Variants in RHBDD1 observed in about 807,000 individuals in gnomAD.
The protein encoded by RHBDD1 is rhomboid domain containing 1.
A neutral mutation model predicts 36.3 loss-of-function variants in RHBDD1; 38 were observed. The ratio of observed to expected loss-of-function variants is 1.05; its 90% CI spans 0.81 to 1.37. RHBDD1 has a LOEUF of 1.37. RHBDD1 is among the 40% of genes most tolerant of loss of function. The pLI is 0.00. For missense variants in RHBDD1, 393 were observed against 377.6 expected (o/e 1.04, Z -0.34); for synonymous variants, 151 against 136.5 (o/e 1.11, Z -0.74).
At chr2:226,885,560 A>G (rs1946134235) in intron 5 of RHBDD1, among the ~76,000 whole-genome samples, 1 of 152,220 alleles carries the variant, frequency 6.6e-6, no homozygotes, top group South Asian at 2.1e-4. Flanking sequence ...AATACAAAGT[A>G]TTACATATGA....
intron 1 of RHBDD1, 175 bp downstream of exon 1, chr2:226,836,262 C>T (rs1574710131): frequency 1.3e-5 from 2 of 152,470 alleles, no homozygotes; most frequent in South Asian, 2.1e-4. Context: ...ACAGCCTCCC[C>T]GTCCGGGGCA....
the RHBDD1 span, among the ~76,000 whole-genome samples, chr2:226,816,284 C>G: frequency 2.0e-5 from 3 of 150,950 alleles, no homozygotes; most frequent in Non-Finnish European, 4.4e-5. Context: ...GAATTCAAGA[C>G]CCATCACCGT....
intron 3 of RHBDD1, among the ~76,000 whole-genome samples, chr2:226,862,126 CT>C (rs555758889): frequency 1.3e-5 from 2 of 152,028 alleles, no homozygotes; most frequent in Non-Finnish European, 2.9e-5. Context: ...ACATTTGAGT[CT>C]TTTTAGGATG....
chr2:226,815,064 C>T, the RHBDD1 span, among the ~76,000 whole-genome samples: 3 of 152,188 alleles, frequency 2.0e-5, no homozygotes, highest in Non-Finnish European at 4.4e-5. Context: ...GGCCACTCAG[C>T]AAGAATTTTC....
chr2:226,832,297 T>C (rs1169185132), upstream of RHBDD1, among the ~76,000 whole-genome samples: 2 of 152,262 alleles, frequency 1.3e-5, no homozygotes, highest in Non-Finnish European at 2.9e-5. Flanking sequence ...TCCAAATTTC[T>C]TTCTATTGTC....
At chr2:226,816,464 A>C in the RHBDD1 span, among the ~76,000 whole-genome samples, 25 of 152,136 alleles carry the variant, frequency 1.6e-4, no homozygotes, top group African/African-American at 6.0e-4. Context: ...GAAGGTCACA[A>C]ATTTCTTCTG....
intron 5 of RHBDD1, among the ~76,000 whole-genome samples, chr2:226,900,178 C>T (rs938616418): frequency 3.9e-5 from 6 of 152,118 alleles, no homozygotes; most frequent in African/African-American, 7.2e-5. Context: ...TCTCATCAGG[C>T]GCTTAAAGGT....
intron 5 of RHBDD1, among the ~76,000 whole-genome samples, chr2:226,898,726 A>G (rs933417556): frequency 6.6e-6 from 1 of 152,180 alleles, no homozygotes; most frequent in Non-Finnish European, 1.5e-5. Flanking sequence ...AAAAATTTGT[A>G]TTACATCTCA....
intron 5 of RHBDD1, among the ~76,000 whole-genome samples, chr2:226,905,631 G>A (rs1177037008): frequency 6.6e-5 from 10 of 152,180 alleles, no homozygotes; most frequent in Admixed American, 5.9e-4. Context: ...CCGTGTGTGG[G>A]ATGCACTGGA....
At chr2:226,958,958 T>A (rs140239755) in intron 8 of RHBDD1, among the ~76,000 whole-genome samples, 167 of 152,254 alleles carry the variant, frequency 1.1e-3, no homozygotes, top group African/African-American at 3.9e-3. Flanking sequence ...ATACTCTGGT[T>A]AGCGCGATAA....
chr2:226,806,123 A>G, the RHBDD1 span, among the ~76,000 whole-genome samples: 1 of 150,084 alleles, frequency 6.7e-6, no homozygotes, highest in Non-Finnish European at 1.5e-5. Flanking sequence ...TCATCACTCC[A>G]AGGTTCTTTA....
intron 8 of RHBDD1, among the ~76,000 whole-genome samples, chr2:226,929,370 C>G (rs1434753797): frequency 6.6e-6 from 1 of 152,022 alleles, no homozygotes; most frequent in Non-Finnish European, 1.5e-5. Context: ...AAATGTGATT[C>G]ATCACACAAA....
Position 226,864,922 on chromosome 2 carries a change from G to C in RHBDD1, c.229G>C (p.Asp77His), listed in dbSNP as rs937859435. 6.2e-7 allele frequency: 1 copy of C among 1,614,084 alleles called. No individual in the cohort carries two copies. The highest frequency in any genetic ancestry group is 8.5e-7 in the Non-Finnish European group (1 of 1,180,048). ...RLLLSPLHHA[D>H]DWHLYFNMAS... is the part of the protein sequence containing the mutation. ...ACTGCTCTCTCCCCTTCACCATGCTGATGATTGGCATTTGTATTTCAATAT... is the reference window on the plus strand; with the variant it reads ...ACTGCTCTCTCCCCTTCACCATGCTCATGATTGGCATTTGTATTTCAATAT... Residue 77 changes from aspartate (D) to histidine (H), a missense_variant, in exon 4 of 9, where the codon GAT (aspartate) becomes CAT (histidine). Transcript: ENST00000392062.
chr2:226,845,184 A>G (rs962376381), intron 3 of RHBDD1, among the ~76,000 whole-genome samples: 3 of 152,242 alleles, frequency 2.0e-5, no homozygotes, highest in African/African-American at 7.2e-5. Context: ...TAAAAAATGC[A>G]TGTGTAATTT....
chr2:226,893,158 C>G (rs1574985470), intron 5 of RHBDD1, among the ~76,000 whole-genome samples: 1 of 152,140 alleles, frequency 6.6e-6, no homozygotes, highest in South Asian at 2.1e-4. Flanking sequence ...AGTCCATCTA[C>G]CATAGGGCCA....
At chr2:226,874,144 C>T (rs902566878) in intron 5 of RHBDD1, among the ~76,000 whole-genome samples, 9 of 152,082 alleles carry the variant, frequency 5.9e-5, no homozygotes, top group African/African-American at 2.2e-4. Context: ...CCTACCAGGA[C>T]CCCCCTTGAC....
At chr2:226,835,153 C>T (rs1412172633), upstream of RHBDD1, among the ~76,000 whole-genome samples, 1 of 152,184 alleles carries the variant, frequency 6.6e-6, no homozygotes, top group Non-Finnish European at 1.5e-5. Flanking sequence ...TCAAGCGATC[C>T]TCCTGCCTCG....
At chr2:226,833,086 GTTAA>G (rs1337021334), upstream of RHBDD1, among the ~76,000 whole-genome samples, 1 of 152,164 alleles carries the variant, frequency 6.6e-6, no homozygotes, top group Admixed American at 6.5e-5. Flanking sequence ...ATAGTCTACT[GTTAA>G]GTATTGTTGG....
rs114773123 is a variant in RHBDD1, at chr2:226,976,547, G to T, written c.857-18884G>T. 5.2e-3 allele frequency among the ~76,000 whole-genome samples: 797 copies of T among 152,160 alleles called. 10 individuals carry two copies. The highest frequency in any genetic ancestry group is 0.023 in the South Asian group (112 of 4,812). On this transcript the variant is annotated intron_variant, in intron 8 of 8. Transcript: ENST00000392062. Reference sequence around the variant, plus strand: ...TTCACTGTGTAGGAGACTCACCACCGTATACTGATGAAGAATGCACACAGT... The same window carrying T: ...TTCACTGTGTAGGAGACTCACCACCTTATACTGATGAAGAATGCACACAGT...
Sources: gnomAD v4.1 joint callset for allele counts (sites outside exome capture counted in the v4.1 genomes callset) on GRCh38, gnomAD v4.1.1 for gene constraint, MANE v1.5 for transcripts, NCBI Gene and HGNC (gene_info 2026-07-23, HGNC 2026-07-21) for gene names.